DOK7: variants seen among roughly 807,000 people sequenced by gnomAD.
DOK7 encodes protein Dok-7.
DOK7 carries 32 observed loss-of-function variants against 30.7 expected under a neutral mutation model. The ratio of observed to expected loss-of-function variants is 1.04; its 90% CI spans 0.79 to 1.40. The LOEUF is 1.40. Among genes scored for constraint, DOK7 ranks in the 40% most tolerant of loss-of-function variants. DOK7 has a pLI of 0.00. For missense variants in DOK7, 1,007 were observed against 699.2 expected, an observed-to-expected ratio of 1.44 and a Z score of -4.97; for synonymous variants, 447 against 324.1, an observed-to-expected ratio of 1.38 and a Z score of -4.07.
At chr4:3,490,774 TCCCCCGGCTCATTCATTCCTTCCTCTGC>T (rs1392689320) in intron 6 of DOK7, among the ~76,000 whole-genome samples, 2 of 70,860 alleles carry the variant, frequency 2.8e-5, no homozygotes, top group South Asian at 7.4e-4. Flanking sequence ...TCTTTCCTTC[TCCCCCGGCTCATTCATTCCTTCCTCTGC>T]CCCCCCGCTC....
At chr4:3,500,406 G>T (rs1371005663) in intron 7 of DOK7, 1 of 1,535,664 alleles carries the variant, frequency 6.5e-7, no homozygotes, top group Non-Finnish European at 8.7e-7. Flanking sequence ...TGTCCGAGGT[G>T]GGTCCCCGCC....
In DOK7 at chr4:3,489,669, T is replaced by C; in HGVS notation, c.653-8T>C. On this transcript the variant is annotated splice_polypyrimidine_tract_variant and splice_region_variant and intron_variant, in intron 5 of 6. Transcript: ENST00000340083. ...CACCTCCTCCACCGAGTCTTCTCTC[T>C]GCCACAGACCCAAGTCCCCCGGGAC... 6.4e-7 allele frequency: 1 copy of C among 1,565,206 alleles called. No homozygotes were observed. The highest frequency in any genetic ancestry group is 1.2e-5 in the South Asian group (1 of 85,110).
intron 1 of DOK7, 21 bp downstream of exon 1, chr4:3,463,450 C>CGGGGGGG (rs71180187): frequency 8.9e-6 from 11 of 1,230,622 alleles, no homozygotes; most frequent in Admixed American, 4.5e-5. Context: ...GTCGGGGGCG[C>CGGGGGGG]GGGGGGGGGG....
rs752949999 is a variant in DOK7, at chr4:3,492,917, A to G, written c.931A>G (p.Met311Val). ...PAAAQAAGEA[M>V]VGASRPPPKP... ...AGCTGCCCAGGCCGCCGGGGAAGCC[A>G]TGGTGGGTGCCTCAAGGCCACCCCC... The change falls in exon 7 of 7, where the codon ATG (methionine) becomes GTG (valine). Residue 311 changes from methionine to valine, a missense_variant. Transcript: ENST00000340083. The G allele has an allele frequency of 2.7e-5, 42 of 1,567,866 alleles. No homozygotes were observed. The South Asian group carries it at 4.9e-4, about 18-fold the overall frequency.
At chr4:3,476,055 C>A (rs1355806860) in intron 3 of DOK7, among the ~76,000 whole-genome samples, 1 of 151,462 alleles carries the variant, frequency 6.6e-6, no homozygotes, top group Non-Finnish European at 1.5e-5. Flanking sequence ...CCCAGCCTGG[C>A]CCCTGCCCCT....
At chr4:3,468,541 T>TGAGTGTGTGTGACTGA (rs1491364289) in intron 2 of DOK7, among the ~76,000 whole-genome samples, 2 of 101,712 alleles carry the variant, frequency 2.0e-5, no homozygotes, top group African/African-American at 1.0e-4. Context: ...TGTGAGTGTA[T>TGAGTGTGTGTGACTGA]GTGTGTGTGC....
At chr4:3,489,586 G>A (rs1410665778) in intron 5 of DOK7, 91 bp from the exon 6 acceptor site, 1 of 1,544,750 alleles carries the variant, frequency 6.5e-7, no homozygotes, top group Non-Finnish European at 8.7e-7. Flanking sequence ...CACAGAGGGG[G>A]ATAACCACTG....
intron 2 of DOK7, among the ~76,000 whole-genome samples, chr4:3,468,915 A>ATGTG (rs141567329): frequency 0.15 from 21,141 of 137,550 alleles, 1,569 homozygotes; most frequent in Middle Eastern, 0.23. Flanking sequence ...CTGTGTGTGT[A>ATGTG]TGTGTGTATG....
chr4:3,492,609 G>A, intron 6 of DOK7, 150 bp from the exon 7 acceptor site: 2 of 1,041,558 alleles, frequency 1.9e-6, no homozygotes, highest in Non-Finnish European at 2.8e-6. Flanking sequence ...GGTGAAGCCA[G>A]GTTTCTGCTG....
chr4:3,479,161 C>T (rs1285620287), intron 4 of DOK7, among the ~76,000 whole-genome samples: 1 of 152,214 alleles, frequency 6.6e-6, no homozygotes, highest in Non-Finnish European at 1.5e-5. Context: ...TCCTTCCTGC[C>T]CCTTCCAGCC....
rs929689129 is a variant in DOK7, at chr4:3,463,568, G to A, written c.100+17G>A. 13 of 1,514,544 alleles carry A rather than the reference G, an allele frequency of 8.6e-6. No homozygotes were observed. The African/African-American group carries it at 1.7e-4, about 20-fold the overall frequency. The allele number at this position is 1,514,544 out of a possible 1,614,324, so 93.8% of individuals were successfully genotyped here. A position where few individuals can be genotyped will look rare whatever the true frequency, so the allele number is the denominator to read the frequency against. ...CCGTGGCAGGTGAGCGGGGCGGGCG[G>A]GGGACGGGGGGCGCGGGGGTAGCGA... On this transcript the variant is annotated intron_variant, in intron 2 of 6. Coordinates refer to ENST00000340083, the MANE Select transcript of DOK7 (RefSeq NM_173660.5).
intron 7 of DOK7, chr4:3,500,418 T>C (rs868395124): frequency 1.3e-6 from 2 of 1,535,164 alleles, no homozygotes; most frequent in Non-Finnish European, 8.7e-7. Flanking sequence ...GTCCCCGCCC[T>C]GCGTGGAGGC....
In DOK7 at chr4:3,473,509, C is replaced by T. The variant is rs1339093424; in HGVS notation, c.204C>T (p.Gly68=). 6.2e-7 allele frequency: 1 copy of T among 1,611,182 alleles called. No individual in the cohort carries two copies. ...AGGACATCTGCGGGCTGGAGCCCGG[C>T]CTGCCCTACGAGGGCCTGGTCCACA... ...TLEDICGLEP[G]LPYEGLVHTL... The change falls in exon 3 of 7, where the codon GGC becomes GGT. Residue 68 remains glycine, a synonymous_variant. Transcript: ENST00000340083.
chr4:3,490,217 GTCTTCACCCC>G (rs1560226154), intron 6 of DOK7, among the ~76,000 whole-genome samples: 11 of 40,182 alleles, frequency 2.7e-4, no homozygotes, highest in Admixed American at 3.9e-4. Flanking sequence ...ATTCATTCCT[GTCTTCACCCC>G]CTCATTCATT....
chr4:3,490,000 T>G (rs1445127681), intron 6 of DOK7, among the ~76,000 whole-genome samples: 1 of 128,626 alleles, frequency 7.8e-6, no homozygotes, highest in Admixed American at 8.5e-5. Flanking sequence ...ACCCTGCTCA[T>G]TCCTTCCTTC....
At chr4:3,499,706 G>A (rs1560241676) in intron 6 of DOK7, among the ~76,000 whole-genome samples, 1 of 152,094 alleles carries the variant, frequency 6.6e-6, no homozygotes, top group Admixed American at 6.5e-5. Context: ...TGGGTGTCCT[G>A]GAGGGGATGC....
intron 2 of DOK7, among the ~76,000 whole-genome samples, chr4:3,469,176 C>A (rs34375201): frequency 7.0e-6 from 1 of 142,250 alleles, no homozygotes; most frequent in East Asian, 2.2e-4. Context: ...TGTGTGTGTG[C>A]GTCTGTGTGA....
At chr4:3,500,419 G>T in intron 7 of DOK7, 8 of 1,535,346 alleles carry the variant, frequency 5.2e-6, no homozygotes, top group Non-Finnish European at 7.0e-6. Context: ...TCCCCGCCCT[G>T]CGTGGAGGCA....
intron 6 of DOK7, among the ~76,000 whole-genome samples, chr4:3,490,418 CG>C (rs1288193152): frequency 8.3e-3 from 145 of 17,490 alleles, no homozygotes; most frequent in African/African-American, 0.028. Flanking sequence ...CCCCCCCCAC[CG>C]CCCCGCTCAT....
Sources: allele counts gnomAD v4.1 joint callset (sites outside exome capture counted in the v4.1 genomes callset), GRCh38; gene constraint gnomAD v4.1.1; transcripts MANE v1.5; gene names NCBI Gene and HGNC (gene_info 2026-07-23, HGNC 2026-07-21).